Variants in RHOJ observed in about 807,000 individuals in gnomAD.
RHOJ encodes the protein rho-related GTP-binding protein RhoJ.
A neutral mutation model predicts 23.4 loss-of-function variants in RHOJ; 11 were observed. The observed-to-expected ratio is 0.47, with a 90% confidence interval of 0.30 to 0.78. RHOJ has a LOEUF of 0.78. RHOJ is among the 30% of genes least tolerant of loss of function. The pLI is 0.08. For missense variants in RHOJ, 254 were observed against 273.4 expected, an observed-to-expected ratio of 0.93 and a Z score of 0.50; for synonymous variants, 102 against 102.7, an observed-to-expected ratio of 0.99 and a Z score of 0.04.
chr14:63,243,261 T>C (rs1894916057), intron 1 of RHOJ, among the ~76,000 whole-genome samples: 2 of 152,158 alleles, frequency 1.3e-5, no homozygotes, highest in East Asian at 1.9e-4. Context: ...GGTGTTTCAG[T>C]TGGAGTGAAG....
chr14:63,273,301 T>C (rs1895504591), intron 2 of RHOJ, among the ~76,000 whole-genome samples: 1 of 152,222 alleles, frequency 6.6e-6, no homozygotes, highest in African/African-American at 2.4e-5. Context: ...CAACCAGCCC[T>C]GTAAGCCAAA....
chr14:63,224,881 G>A (rs150183174), intron 1 of RHOJ, among the ~76,000 whole-genome samples: 1,869 of 151,950 alleles, frequency 0.012, 37 homozygotes, highest in African/African-American at 0.042. Context: ...AAGTGTTTGA[G>A]GTCAATCTTC....
chr14:63,207,393 C>T (rs1281903447), intron 1 of RHOJ, among the ~76,000 whole-genome samples: 1 of 152,116 alleles, frequency 6.6e-6, no homozygotes, highest in African/African-American at 2.4e-5. Flanking sequence ...TTCCTTTTAC[C>T]ACCACTCTCC....
chr14:63,260,568 T>C (rs1231290977), intron 1 of RHOJ, among the ~76,000 whole-genome samples: 3 of 152,242 alleles, frequency 2.0e-5, no homozygotes, highest in Admixed American at 1.3e-4. Context: ...GTTTTACATG[T>C]TCATGATAGC....
rs59900548 is a variant in RHOJ, at chr14:63,226,935, C to A, written c.178+21888C>A. 3.9e-3 allele frequency among the ~76,000 whole-genome samples: 596 copies of A among 151,970 alleles called. 13 individuals carry two copies. The East Asian group carries it at 0.053, about 13-fold the overall frequency. ...GATGGGGCAATACCTAAAGATAATC[C>A]AAAAAAGGAAGTATGAGCTAAGTAT... On this transcript the variant is annotated intron_variant, in intron 1 of 4. Coordinates refer to ENST00000316754, the MANE Select transcript of RHOJ (RefSeq NM_020663.5).
intron 1 of RHOJ, among the ~76,000 whole-genome samples, chr14:63,239,394 G>A (rs908097837): frequency 3.3e-5 from 5 of 152,210 alleles, no homozygotes; most frequent in African/African-American, 1.2e-4. Context: ...TTACAGGCAT[G>A]AGCCACTGCA....
intron 2 of RHOJ, among the ~76,000 whole-genome samples, chr14:63,272,057 C>T (rs1391799236): frequency 1.3e-5 from 2 of 152,214 alleles, no homozygotes; most frequent in Non-Finnish European, 2.9e-5. Context: ...ATTTGCAAAT[C>T]CATTTTAAGA....
At chr14:63,270,690 T>C (rs952001693) in intron 2 of RHOJ, among the ~76,000 whole-genome samples, 66 of 152,204 alleles carry the variant, frequency 4.3e-4, no homozygotes, top group African/African-American at 1.5e-3. Context: ...ACTCATAGAC[T>C]GAAAGAGAGA....
At chr14:63,220,591 A>G (rs1388329614) in intron 1 of RHOJ, among the ~76,000 whole-genome samples, 24 of 152,186 alleles carry the variant, frequency 1.6e-4, no homozygotes, top group Admixed American at 1.6e-3. Context: ...CCCAGTGCCC[A>G]GAAATCCTGG....
chr14:63,212,368 C>A (rs570472371), intron 1 of RHOJ, among the ~76,000 whole-genome samples: 5 of 152,252 alleles, frequency 3.3e-5, no homozygotes, highest in African/African-American at 1.2e-4. Flanking sequence ...ACCAAATATC[C>A]TTGCACATTT....
intron 1 of RHOJ, among the ~76,000 whole-genome samples, chr14:63,246,839 G>T (rs565156118): frequency 6.6e-6 from 1 of 152,194 alleles, no homozygotes; most frequent in South Asian, 2.1e-4. Context: ...ATGGAGGGTG[G>T]GCAGCTAAAT....
intron 1 of RHOJ, 79 bp downstream of exon 1, chr14:63,205,126 C>T: frequency 6.8e-7 from 1 of 1,469,158 alleles, no homozygotes; most frequent in South Asian, 1.3e-5. Flanking sequence ...GGGCCTGGCT[C>T]ATTTCTAATG....
chr14:63,208,245 A>G (rs112315616), intron 1 of RHOJ, among the ~76,000 whole-genome samples: 30 of 152,336 alleles, frequency 2.0e-4, no homozygotes, highest in African/African-American at 7.0e-4. Flanking sequence ...AGTTCTACGA[A>G]TTCTGATGTA....
chr14:63,208,712 G>A (rs1349685866), intron 1 of RHOJ, among the ~76,000 whole-genome samples: 5 of 152,056 alleles, frequency 3.3e-5, no homozygotes, highest in African/African-American at 1.2e-4. Flanking sequence ...TTCAGTCCCT[G>A]GGTCCTCTTC....
chr14:63,244,185 T>C (rs1387593585), intron 1 of RHOJ, among the ~76,000 whole-genome samples: 3 of 152,182 alleles, frequency 2.0e-5, no homozygotes, highest in African/African-American at 7.2e-5. Flanking sequence ...TTGTTGGCAG[T>C]TGGCATATTG....
In RHOJ at chr14:63,258,136, G is replaced by A; in HGVS notation, c.179-10974G>A. Among the ~76,000 whole-genome samples the A allele has an allele frequency of 1.3e-5, 2 of 148,444 alleles. 1 individual carries two copies. Among genetic ancestry groups the A allele is most frequent in the Non-Finnish European group, 3.0e-5 (2 of 67,320 alleles). Reference sequence around the variant, plus strand: ...CCAGCTACTCAGGAGTCTGAGACAGGAGAATCGCTTGAACCCGGGAGGTGG... The same window carrying A: ...CCAGCTACTCAGGAGTCTGAGACAGAAGAATCGCTTGAACCCGGGAGGTGG... On this transcript the variant is annotated intron_variant, in intron 1 of 4. Transcript: ENST00000316754.
intron 4 of RHOJ, 86 bp from the exon 5 acceptor site, chr14:63,290,792 T>C (rs1882224665): frequency 4.5e-6 from 6 of 1,334,672 alleles, no homozygotes; most frequent in Middle Eastern, 2.0e-4. Context: ...CAGGCAGAAG[T>C]AAGTGCTTGT....
chr14:63,269,026 C>A, intron 1 of RHOJ, 84 bp from the exon 2 acceptor site: 1 of 925,098 alleles, frequency 1.1e-6, no homozygotes, highest in Non-Finnish European at 1.8e-6. Context: ...CAAGGAGATG[C>A]TGGCATGGAA....
intron 1 of RHOJ, among the ~76,000 whole-genome samples, chr14:63,238,690 G>A: frequency 6.6e-6 from 1 of 152,072 alleles, no homozygotes; most frequent in East Asian, 1.9e-4. Context: ...CCAAAGTGCT[G>A]GGATTATAGG....
Sources: gnomAD v4.1 joint callset for allele counts (sites outside exome capture counted in the v4.1 genomes callset) on GRCh38, gnomAD v4.1.1 for gene constraint, MANE v1.5 for transcripts, NCBI Gene and HGNC (gene_info 2026-07-23, HGNC 2026-07-21) for gene names.